Variants in WASHC5 observed in about 807,000 individuals in gnomAD.
WASHC5 encodes WASH complex subunit strumpellin.
A neutral mutation model predicts 150.4 loss-of-function variants in WASHC5; 101 were observed. The observed-to-expected ratio is 0.67, with a 90% confidence interval of 0.57 to 0.79. The LOEUF (loss-of-function observed/expected upper bound fraction) is 0.79, where lower values mean the gene tolerates loss of function less well. WASHC5 is among the 30% of genes least tolerant of loss of function. WASHC5 has a pLI of 0.00. For missense variants in WASHC5, 1,195 were observed against 1,396.3 expected, an observed-to-expected ratio of 0.86 and a Z score of 2.30; for synonymous variants, 467 against 491.2, an observed-to-expected ratio of 0.95 and a Z score of 0.65.
intron 16 of WASHC5, 83 bp from the exon 17 acceptor site, chr8:125,055,754 C>T (rs1816385945): frequency 1.1e-6 from 1 of 870,580 alleles, no homozygotes; most frequent in African/African-American, 1.6e-5. Flanking sequence ...GAACTTGTAG[C>T]TTTAGGACAC....
intron 9 of WASHC5, 31 bp from the exon 10 acceptor site, chr8:125,067,750 T>A (rs530348351): frequency 6.2e-7 from 1 of 1,608,408 alleles, no homozygotes; most frequent in South Asian, 1.1e-5. Flanking sequence ...ACCTGCTTAC[T>A]AAATGTGTAG....
intron 23 of WASHC5, 24 bp from the exon 24 acceptor site, chr8:125,039,922 C>G (rs765321662): frequency 1.3e-6 from 2 of 1,496,994 alleles, no homozygotes; most frequent in South Asian, 2.3e-5. Context: ...AGAGAAAGAA[C>G]AGGTAGTGCA....
intron 6 of WASHC5, among the ~76,000 whole-genome samples, chr8:125,076,725 G>C (rs1279727341): frequency 7.7e-6 from 1 of 129,132 alleles, no homozygotes; most frequent in Non-Finnish European, 1.5e-5. Flanking sequence ...CTTGACCGCT[G>C]CAATTCTAAG....
chr8:125,038,432 G>C (rs971942661), intron 25 of WASHC5, among the ~76,000 whole-genome samples: 1 of 152,152 alleles, frequency 6.6e-6, no homozygotes, highest in Non-Finnish European at 1.5e-5. Flanking sequence ...GCTCACAACT[G>C]CAGGGAAGAG....
Position 125,059,409 on chromosome 8 carries a change from C to A in WASHC5, c.1655G>T (p.Gly552Val). The A allele has an allele frequency of 6.2e-7, 1 of 1,614,156 alleles. No homozygotes were observed. The highest frequency in any genetic ancestry group is 1.1e-5 in the South Asian group (1 of 91,084). ...EEVLITMQIV[G>V]DLSFAWQLID... ...CAACTGCCAAGCGAAAGAAAGGTCCCCAACGATCTGCATTGTGATCAGAAC... is the reference window on the plus strand; with the variant it reads ...CAACTGCCAAGCGAAAGAAAGGTCCACAACGATCTGCATTGTGATCAGAAC... Residue 552 changes from glycine to valine, a missense_variant, in exon 13 of 29, where the codon GGG (glycine) becomes GTG (valine). Physicochemically the swap from Gly to Val is moderately radical, Grantham distance 109 (BLOSUM62 -3). Transcript: ENST00000318410.
chr8:125,044,779 G>A (rs1816010302), intron 20 of WASHC5, 81 bp from the exon 21 acceptor site: 16 of 1,356,662 alleles, frequency 1.2e-5, no homozygotes, highest in Admixed American at 5.0e-5. Flanking sequence ...CAGGACATGC[G>A]GCACCAAATA....
chr8:125,039,933 T>G, intron 23 of WASHC5, 35 bp from the exon 24 acceptor site: 1 of 1,391,028 alleles, frequency 7.2e-7, no homozygotes, highest in Non-Finnish European at 1.0e-6. Context: ...AGGTAGTGCA[T>G]TCAAGCATTT....
At chr8:125,062,018 TTTTG>T (rs1003493828) in intron 11 of WASHC5, among the ~76,000 whole-genome samples, 9 of 152,314 alleles carry the variant, frequency 5.9e-5, no homozygotes, top group African/African-American at 9.6e-5. Context: ...AAAGTTTTTT[TTTTG>T]TTTGTTTATC....
intron 16 of WASHC5, among the ~76,000 whole-genome samples, 169 bp from the exon 17 acceptor site, chr8:125,055,840 CAG>C (rs2130080931): frequency 6.6e-6 from 1 of 152,320 alleles, no homozygotes; most frequent in African/African-American, 2.4e-5. Flanking sequence ...TATTGGGTAA[CAG>C]AGTCAGAAGA....
intron 27 of WASHC5, among the ~76,000 whole-genome samples, chr8:125,031,321 C>T (rs554021203): frequency 2.2e-4 from 33 of 152,296 alleles, no homozygotes; most frequent in Middle Eastern, 6.8e-3. Flanking sequence ...GTCACCCAGG[C>T]TGGAGTGCAG....
chr8:125,053,780 C>T (rs1426034488), intron 17 of WASHC5, among the ~76,000 whole-genome samples: 1 of 152,084 alleles, frequency 6.6e-6, no homozygotes, highest in Non-Finnish European at 1.5e-5. Flanking sequence ...AAGAAAAGCA[C>T]CATAAACTAT....
intron 28 of WASHC5, 36 bp from the exon 29 acceptor site, chr8:125,024,709 A>T (rs557346189): frequency 7.8e-6 from 11 of 1,413,208 alleles, no homozygotes; most frequent in Non-Finnish European, 1.1e-5. Flanking sequence ...TCATGGTGTT[A>T]TAGTTGAACA....
At chr8:125,082,654 C>T (rs1272444336) in intron 3 of WASHC5, among the ~76,000 whole-genome samples, 187 bp from the exon 4 acceptor site, 1 of 152,134 alleles carries the variant, frequency 6.6e-6, no homozygotes, top group Non-Finnish European at 1.5e-5. Context: ...TGATATTTAT[C>T]GCTGTTCCAA....
At chr8:125,085,552 AACC>A (rs1318037400) in intron 1 of WASHC5, among the ~76,000 whole-genome samples, 3 of 152,152 alleles carry the variant, frequency 2.0e-5, no homozygotes, top group Non-Finnish European at 2.9e-5. Flanking sequence ...TAGGAATGAA[AACC>A]AACCAACCAA....
intron 9 of WASHC5, 48 bp from the exon 10 acceptor site, chr8:125,067,767 T>A (rs764608509): frequency 5.0e-6 from 8 of 1,586,314 alleles, no homozygotes; most frequent in Non-Finnish European, 6.9e-6. Context: ...GTAGAAAATA[T>A]CTATGAAATA....
chr8:125,079,499 A>T (rs1817186263), intron 5 of WASHC5, among the ~76,000 whole-genome samples: 1 of 152,012 alleles, frequency 6.6e-6, no homozygotes. Flanking sequence ...CCTCAAAATT[A>T]TATTTTTGAA....
intron 26 of WASHC5, among the ~76,000 whole-genome samples, chr8:125,036,764 C>T (rs1032628591): frequency 6.6e-6 from 1 of 151,564 alleles, no homozygotes; most frequent in African/African-American, 2.4e-5. Flanking sequence ...AATCCCAGCA[C>T]TTAGGGAGGC....
chr8:125,077,393 G>T (rs1586382923), intron 6 of WASHC5, among the ~76,000 whole-genome samples: 1 of 152,156 alleles, frequency 6.6e-6, no homozygotes, highest in Non-Finnish European at 1.5e-5. Flanking sequence ...TGCATGTTGT[G>T]GATAAACTCC....
intron 7 of WASHC5, 135 bp from the exon 8 acceptor site, chr8:125,075,246 T>C (rs1817017792): frequency 1.4e-6 from 1 of 690,280 alleles, no homozygotes; most frequent in Non-Finnish European, 2.6e-6. Context: ...ATTTTCCAAA[T>C]ATATAGGTAA....
Sources: allele counts gnomAD v4.1 joint callset (sites outside exome capture counted in the v4.1 genomes callset), GRCh38; gene constraint gnomAD v4.1.1; transcripts MANE v1.5; gene names NCBI Gene and HGNC (gene_info 2026-07-23, HGNC 2026-07-21).